The following GPC5 variants were observed in gnomAD, a reference collection of about 807,000 sequenced individuals.
GPC5 encodes glypican-5.
Under a neutral mutation model 53.9 loss-of-function variants are expected in GPC5, and 47 were observed. The ratio of observed to expected loss-of-function variants is 0.87; its 90% CI spans 0.69 to 1.11. GPC5 has a LOEUF of 1.11. Among genes scored for constraint, GPC5 ranks in the 50% most tolerant of loss-of-function variants. GPC5 has a pLI of 0.00. For synonymous variants in GPC5, 286 were observed against 263.3 expected (o/e 1.09, Z -0.84); for missense variants, 748 against 713.1 (o/e 1.05, Z -0.56).
At chr13:92,702,174 T>C (rs571486409) in intron 7 of GPC5, among the ~76,000 whole-genome samples, 1 of 152,248 alleles carries the variant, frequency 6.6e-6, no homozygotes, top group South Asian at 2.1e-4. Flanking sequence ...TTTAAACTTT[T>C]AACAATGAAA....
chr13:92,277,188 A>G (rs753385748), intron 7 of GPC5, among the ~76,000 whole-genome samples: 2 of 151,984 alleles, frequency 1.3e-5, no homozygotes, highest in Non-Finnish European at 2.9e-5. Flanking sequence ...ATTTTCTTCA[A>G]GATTGTAGGG....
intron 6 of GPC5, among the ~76,000 whole-genome samples, chr13:92,039,587 G>A (rs1179084319): frequency 1.3e-5 from 2 of 152,202 alleles, no homozygotes; most frequent in African/African-American, 4.8e-5. Flanking sequence ...GGCTGTTGGA[G>A]CTGCCATAAC....
At chr13:92,222,368 A>G (rs1446565758) in intron 7 of GPC5, among the ~76,000 whole-genome samples, 2 of 152,200 alleles carry the variant, frequency 1.3e-5, no homozygotes, top group East Asian at 3.8e-4. Flanking sequence ...ATTGTTGATT[A>G]AACACAGAGA....
At chr13:91,862,006 G>T (rs1480555763) in intron 5 of GPC5, among the ~76,000 whole-genome samples, 1 of 151,376 alleles carries the variant, frequency 6.6e-6, no homozygotes, top group Non-Finnish European at 1.5e-5. Flanking sequence ...ATTTTTCTAT[G>T]TACATCATAA....
At chr13:92,424,006 TA>T (rs79027417) in intron 7 of GPC5, among the ~76,000 whole-genome samples, 43,652 of 151,894 alleles carry the variant, frequency 0.29, 7,281 homozygotes, top group East Asian at 0.61. Flanking sequence ...GTGTAATGAG[TA>T]AAAAAAATCA....
intron 7 of GPC5, among the ~76,000 whole-genome samples, chr13:92,147,362 A>T (rs1043545529): frequency 5.9e-5 from 9 of 152,070 alleles, no homozygotes; most frequent in Admixed American, 5.9e-4. Context: ...ACATAAAGTT[A>T]TTACAAAGTA....
chr13:92,172,016 G>A lies in GPC5; in HGVS notation c.1561+27027G>A, dbSNP rs867213053. 9.8e-5 allele frequency among the ~76,000 whole-genome samples: 15 copies of A among 152,288 alleles called. 1 individual carries two copies. In the Middle Eastern group the frequency reaches 0.014, roughly 138 times the overall value. ...CCCATTAACCAGATTTTAAATGCCA[G>A]TTCGCTTGTTTGTACCTACAATAGA... On this transcript the variant is annotated intron_variant, in intron 7 of 7. Coordinates refer to ENST00000377067, the MANE Select transcript of GPC5 (RefSeq NM_004466.6).
intron 2 of GPC5, among the ~76,000 whole-genome samples, chr13:91,666,959 T>C (rs1332369939): frequency 1.3e-5 from 2 of 152,186 alleles, no homozygotes; most frequent in Non-Finnish European, 2.9e-5. Context: ...TGAATGTAAA[T>C]AGTGATGATA....
chr13:91,531,200 G>T (rs1489277285), intron 2 of GPC5, among the ~76,000 whole-genome samples: 12 of 152,164 alleles, frequency 7.9e-5, no homozygotes, highest in South Asian at 2.1e-4. Flanking sequence ...GTAGCACATT[G>T]TATGTATGGT....
chr13:91,533,714 G>T (rs1165810001), intron 2 of GPC5, among the ~76,000 whole-genome samples: 1 of 152,170 alleles, frequency 6.6e-6, no homozygotes, highest in African/African-American at 2.4e-5. Context: ...GTCTGTGAAT[G>T]CAATTGAGTA....
intron 7 of GPC5, among the ~76,000 whole-genome samples, chr13:92,800,603 A>G (rs751359290): frequency 1.1e-4 from 17 of 151,868 alleles, no homozygotes; most frequent in Admixed American, 6.6e-5. Flanking sequence ...AATGAAGATA[A>G]CAGGTGGTTC....
chr13:91,599,502 A>T (rs757632615), intron 2 of GPC5, among the ~76,000 whole-genome samples: 1 of 152,190 alleles, frequency 6.6e-6, no homozygotes, highest in Non-Finnish European at 1.5e-5. Flanking sequence ...ATTCATTCAC[A>T]TAAGAGTCCA....
intron 2 of GPC5, among the ~76,000 whole-genome samples, chr13:91,523,774 T>C (rs1885950647): frequency 6.6e-6 from 1 of 152,234 alleles, no homozygotes; most frequent in African/African-American, 2.4e-5. Context: ...ATACATTAAT[T>C]AGCTTAAATG....
intron 5 of GPC5, among the ~76,000 whole-genome samples, chr13:91,787,611 G>A (rs774506899): frequency 8.5e-5 from 13 of 152,146 alleles, no homozygotes; most frequent in South Asian, 2.1e-4. Context: ...GATGTAAAGA[G>A]GCAAGACATT....
intron 7 of GPC5, among the ~76,000 whole-genome samples, chr13:92,205,773 G>A (rs2139067080): frequency 6.6e-6 from 1 of 152,242 alleles, no homozygotes; most frequent in South Asian, 2.1e-4. Flanking sequence ...TCGGCCAGGC[G>A]CGGTGGCTCA....
At chr13:92,490,715 C>T (rs917339346) in intron 7 of GPC5, among the ~76,000 whole-genome samples, 1 of 151,950 alleles carries the variant, frequency 6.6e-6, no homozygotes, top group African/African-American at 2.4e-5. Context: ...CTAATATTAT[C>T]TTATATTTGA....
At chr13:92,040,517 A>C (rs1048504468) in intron 6 of GPC5, among the ~76,000 whole-genome samples, 1 of 152,214 alleles carries the variant, frequency 6.6e-6, no homozygotes, top group African/African-American at 2.4e-5. Context: ...AGTCTACGAT[A>C]ATTACACAAA....
At chr13:92,108,125 T>C (rs2041524764) in intron 6 of GPC5, among the ~76,000 whole-genome samples, 2 of 152,180 alleles carry the variant, frequency 1.3e-5, no homozygotes, top group Non-Finnish European at 2.9e-5. Context: ...TCATAGCTGT[T>C]ACCTCTTATG....
chr13:92,865,240 T>C (rs780467744), intron 7 of GPC5, among the ~76,000 whole-genome samples: 1 of 152,188 alleles, frequency 6.6e-6, no homozygotes, highest in Non-Finnish European at 1.5e-5. Context: ...TGCCCGCTTT[T>C]TTTTAAATGA....
Sources: gnomAD v4.1 joint callset for allele counts (sites outside exome capture counted in the v4.1 genomes callset) on GRCh38, gnomAD v4.1.1 for gene constraint, MANE v1.5 for transcripts, NCBI Gene and HGNC (gene_info 2026-07-23, HGNC 2026-07-21) for gene names.